Variants in PDZRN4 observed in about 807,000 individuals in gnomAD.
PDZRN4 encodes PDZ domain-containing RING finger protein 4.
Under a neutral mutation model 99.0 loss-of-function variants are expected in PDZRN4, and 70 were observed. That is an observed-to-expected ratio of 0.71 (90% confidence interval 0.58 to 0.86). The LOEUF is 0.86. PDZRN4 is among the 40% of genes least tolerant of loss of function. The pLI is 0.00. For synonymous variants in PDZRN4, 551 were observed against 501.6 expected (o/e 1.10, Z -1.32); for missense variants, 1,474 against 1,331.2 (o/e 1.11, Z -1.67).
intron 3 of PDZRN4, among the ~76,000 whole-genome samples, chr12:41,363,906 A>T (rs1398494843): frequency 1.3e-5 from 2 of 152,080 alleles, no homozygotes; most frequent in Admixed American, 1.3e-4. Flanking sequence ...CATCTTTGGA[A>T]CTTCTTCAAC....
chr12:41,457,666 A>G (rs549638759), intron 3 of PDZRN4, among the ~76,000 whole-genome samples: 1 of 152,186 alleles, frequency 6.6e-6, no homozygotes, highest in Non-Finnish European at 1.5e-5. Flanking sequence ...TCCTTGTACC[A>G]ATGTCAGAAA....
chr12:41,228,160 C>T (rs974468243), intron 3 of PDZRN4, among the ~76,000 whole-genome samples: 2 of 152,106 alleles, frequency 1.3e-5, no homozygotes, highest in African/African-American at 2.4e-5. Flanking sequence ...TATTACAGAA[C>T]GTTATGAACA....
At position 41,316,456 on chromosome 12, in the gene PDZRN4, ATGTGTGTG is replaced by A. The variant is rs71081722; in HGVS notation, c.843+122300_843+122307del. 5.0e-3 allele frequency among the ~76,000 whole-genome samples: 721 copies of A among 144,516 alleles called. 25 individuals are homozygous for A. The East Asian group carries it at 0.096, about 19-fold the overall frequency. 94.8% of individuals were successfully genotyped at this position (144,516 alleles called of 152,430 possible). ...TATGATTACTAGAGGAAAAAGGCAA[ATGTGTGTG>A]TGTGTGTGTGTGTGTGTGTGTGTGT... On this transcript the variant is annotated intron_variant, in intron 3 of 9. Transcript: ENST00000402685.
intron 3 of PDZRN4, among the ~76,000 whole-genome samples, chr12:41,321,028 C>T (rs1214875722): frequency 6.6e-6 from 1 of 152,086 alleles, no homozygotes; most frequent in East Asian, 1.9e-4. Flanking sequence ...TTTGGATAAT[C>T]ATACCCCTGA....
chr12:41,229,062 T>C (rs1246874611), intron 3 of PDZRN4, among the ~76,000 whole-genome samples: 2 of 151,832 alleles, frequency 1.3e-5, no homozygotes, highest in Non-Finnish European at 2.9e-5. Flanking sequence ...TTCTGCATGA[T>C]GTAGTGCTTC....
At chr12:41,443,956 G>A (rs116379907) in intron 3 of PDZRN4, among the ~76,000 whole-genome samples, 34 of 152,152 alleles carry the variant, frequency 2.2e-4, no homozygotes, top group African/African-American at 7.2e-4. Flanking sequence ...CAAAAAGTGA[G>A]GAGAGGTATA....
At chr12:41,194,444 G>T (rs1290567110) in intron 3 of PDZRN4, among the ~76,000 whole-genome samples, 1 of 152,066 alleles carries the variant, frequency 6.6e-6, no homozygotes, top group Non-Finnish European at 1.5e-5. Context: ...AGACCTGACT[G>T]GGCAACATTG....
intron 3 of PDZRN4, among the ~76,000 whole-genome samples, chr12:41,240,927 G>T (rs796942070): frequency 5.9e-5 from 9 of 152,164 alleles, no homozygotes; most frequent in African/African-American, 1.9e-4. Flanking sequence ...TCAGACCATA[G>T]CGTATATAAA....
rs536246838 is a variant in PDZRN4 at position 41,214,430 on chromosome 12, TAA to T, written c.843+20261_843+20262del. Among the ~76,000 whole-genome samples, 22 of 34,078 alleles carry T rather than the reference TAA, an allele frequency of 6.5e-4. 2 individuals are homozygous for T. Among genetic ancestry groups the T allele is most frequent in the Admixed American group, 2.8e-3 (6 of 2,108 alleles). The allele number at this position is 34,078 out of a possible 152,430, so 22.4% of individuals were successfully genotyped here. ...GGCAATAGAAGGAGACCCTGTCCCC[TAA>T]AAAAAAAAAAAAAAAAAAGTTATCT... On this transcript the variant is annotated intron_variant, in intron 3 of 9. Transcript: ENST00000402685.
intron 3 of PDZRN4, among the ~76,000 whole-genome samples, chr12:41,494,227 T>A (rs888236874): frequency 2.6e-5 from 4 of 152,128 alleles, no homozygotes; most frequent in Admixed American, 2.6e-4. Context: ...ATCATCTCGT[T>A]CAAGTTTTAG....
intron 5 of PDZRN4, among the ~76,000 whole-genome samples, 199 bp downstream of exon 5, chr12:41,510,112 G>A (rs1230590483): frequency 6.6e-6 from 1 of 151,996 alleles, no homozygotes; most frequent in Non-Finnish European, 1.5e-5. Context: ...TATAGTATAA[G>A]CTTAAATATA....
intron 3 of PDZRN4, among the ~76,000 whole-genome samples, chr12:41,372,167 C>G (rs531511197): frequency 6.6e-6 from 1 of 152,084 alleles, no homozygotes; most frequent in Non-Finnish European, 1.5e-5. Flanking sequence ...AGATAAGATC[C>G]TTCAAGTGCT....
chr12:41,286,359 T>G lies in PDZRN4; in HGVS notation c.843+92171T>G, dbSNP rs1430493126. On this transcript the variant is annotated intron_variant, in intron 3 of 9. Transcript: ENST00000402685. ...TTCTTTTTTTTTTTTTTTTTTTTTT[T>G]GTTGTTGTTGTTTTTGTTGGGAGCC... Among the ~76,000 whole-genome samples the G allele has an allele frequency of 9.4e-4, 88 of 93,562 alleles. 1 individual carries two copies. Among genetic ancestry groups the G allele is most frequent in the African/African-American group, 3.2e-3 (83 of 25,632 alleles). 61.4% of individuals were successfully genotyped at this position (93,562 alleles called of 152,430 possible). A position where few individuals can be genotyped will look rare whatever the true frequency, so the allele number is the denominator to read the frequency against.
rs557377989 is a variant in PDZRN4 at position 41,334,789 on chromosome 12, C to T, written c.843+140601C>T. On this transcript the variant is annotated intron_variant, in intron 3 of 9. Coordinates refer to ENST00000402685, the MANE Select transcript of PDZRN4 (RefSeq NM_001164595.2). ...TGATTTCCCTTTAATTCACTTGTCA[C>T]TGAAACTGTAACCTTGTGTTCTAGA... 1.1e-4 allele frequency among the ~76,000 whole-genome samples: 17 copies of T among 152,270 alleles called. No homozygotes were observed. In the South Asian group the frequency reaches 2.7e-3, roughly 24 times the overall value.
intron 3 of PDZRN4, among the ~76,000 whole-genome samples, chr12:41,302,461 T>C (rs939294586): frequency 9.9e-5 from 15 of 152,080 alleles, no homozygotes; most frequent in African/African-American, 3.4e-4. Context: ...CCAGGATGTT[T>C]TGTGTGCAGA....
intron 5 of PDZRN4, among the ~76,000 whole-genome samples, chr12:41,534,457 C>T (rs193178925): frequency 6.0e-4 from 91 of 152,194 alleles, no homozygotes; most frequent in Admixed American, 1.7e-3. Flanking sequence ...TCCCCTCACT[C>T]CTCACAGGCT....
At chr12:41,352,681 T>C (rs1302825491) in intron 3 of PDZRN4, among the ~76,000 whole-genome samples, 10 of 152,110 alleles carry the variant, frequency 6.6e-5, no homozygotes, top group Non-Finnish European at 1.3e-4. Context: ...AATGAGAAAG[T>C]ACGTGGAGGT....
rs11180856 is a variant in PDZRN4 at position 41,368,385 on chromosome 12, T to A, written c.844-138071T>A. Among the ~76,000 whole-genome samples the A allele has an allele frequency of 9.9e-3, 1,501 of 152,158 alleles. 26 individuals are homozygous for A. The highest frequency in any genetic ancestry group is 0.034 in the African/African-American group (1,419 of 41,530). On this transcript the variant is annotated intron_variant, in intron 3 of 9. Transcript: ENST00000402685. ...TCAACCATTTCCCCCCAAGCACACC[T>A]AATAGTGCCAGAGAATAAATAGGAA...
At chr12:41,394,778 TGAGA>T (rs112076468) in intron 3 of PDZRN4, among the ~76,000 whole-genome samples, 57 of 146,914 alleles carry the variant, frequency 3.9e-4, no homozygotes, top group Admixed American at 2.0e-3. Context: ...TTAGAGTAAA[TGAGA>T]GAGAGAGAGA....
Sources: allele counts gnomAD v4.1 joint callset (sites outside exome capture counted in the v4.1 genomes callset), GRCh38; gene constraint gnomAD v4.1.1; transcripts MANE v1.5; gene names NCBI Gene and HGNC (gene_info 2026-07-23, HGNC 2026-07-21).